DEPDC1B: variants seen among roughly 807,000 people sequenced by gnomAD.
DEPDC1B encodes DEP domain containing 1B, also known as DEP domain-containing protein 1B.
Under a neutral mutation model 66.5 loss-of-function variants are expected in DEPDC1B, and 51 were observed. The ratio of observed to expected loss-of-function variants is 0.77; its 90% CI spans 0.61 to 0.97. The LOEUF (loss-of-function observed/expected upper bound fraction) is 0.97, where lower values mean the gene tolerates loss of function less well. DEPDC1B is among the 50% of genes least tolerant of loss of function. The probability of loss-of-function intolerance (pLI) is 0.00; values close to 1 mark genes in which losing one functional copy is unlikely to be tolerated. For synonymous variants in DEPDC1B, 226 were observed against 223.6 expected (o/e 1.01, Z -0.10); for missense variants, 552 against 637.1 (o/e 0.87, Z 1.44).
At chr5:60,652,049 G>A (rs1227971865) in intron 2 of DEPDC1B, among the ~76,000 whole-genome samples, 1 of 133,744 alleles carries the variant, frequency 7.5e-6, no homozygotes, top group Non-Finnish European at 1.5e-5. Flanking sequence ...GCAGCTGAGA[G>A]CAAGCACTTT....
chr5:60,666,867 A>T (rs188077921), intron 2 of DEPDC1B, among the ~76,000 whole-genome samples: 76 of 152,330 alleles, frequency 5.0e-4, no homozygotes, highest in African/African-American at 1.8e-3. Flanking sequence ...GCACAAAGAC[A>T]CATTTGTGAG....
intron 7 of DEPDC1B, among the ~76,000 whole-genome samples, chr5:60,608,067 C>A (rs1236123951): frequency 6.6e-6 from 1 of 152,060 alleles, no homozygotes; most frequent in Non-Finnish European, 1.5e-5. Context: ...TACTGTGGCA[C>A]CTGTATAGCA....
chr5:60,668,111 T>TTATATATATATATAAAATGGATATTTTA, intron 2 of DEPDC1B, among the ~76,000 whole-genome samples: 1 of 77,412 alleles, frequency 1.3e-5, no homozygotes, highest in African/African-American at 7.8e-5. Flanking sequence ...AATGGATATT[T>TTATATATATATATAAAATGGATATTTTA]TATATATATA....
intron 7 of DEPDC1B, among the ~76,000 whole-genome samples, chr5:60,635,046 C>T (rs542271784): frequency 7.2e-5 from 10 of 138,850 alleles, no homozygotes; most frequent in Admixed American, 2.4e-4. Context: ...GCAACAAGAG[C>T]GAAACTCCAT....
At chr5:60,634,521 A>G (rs1334919114) in intron 7 of DEPDC1B, among the ~76,000 whole-genome samples, 1 of 151,884 alleles carries the variant, frequency 6.6e-6, no homozygotes, top group Non-Finnish European at 1.5e-5. Flanking sequence ...AAATACAAAA[A>G]ATTAGCTGGG....
At chr5:60,682,639 T>C (rs1028856162) in intron 2 of DEPDC1B, among the ~76,000 whole-genome samples, 2 of 152,144 alleles carry the variant, frequency 1.3e-5, no homozygotes, top group African/African-American at 2.4e-5. Context: ...GCAAAAGGCA[T>C]AGAAAACCTA....
chr5:60,611,527 C>T (rs552337360), intron 7 of DEPDC1B, among the ~76,000 whole-genome samples: 1 of 152,214 alleles, frequency 6.6e-6, no homozygotes, highest in Non-Finnish European at 1.5e-5. Flanking sequence ...TGGTGCCAAA[C>T]AGCCAAGTTA....
chr5:60,634,211 T>C (rs545588641), intron 7 of DEPDC1B, among the ~76,000 whole-genome samples: 1 of 152,322 alleles, frequency 6.6e-6, no homozygotes, highest in Admixed American at 6.5e-5. Flanking sequence ...ACAGAAGCAC[T>C]GGCATGCATG....
At chr5:60,619,376 A>G (rs891640737) in intron 7 of DEPDC1B, among the ~76,000 whole-genome samples, 29 of 152,238 alleles carry the variant, frequency 1.9e-4, no homozygotes, top group Admixed American at 3.9e-4. Context: ...ACATGATTGT[A>G]TATCTAGAAA....
chr5:60,663,260 G>A (rs1753762715), intron 2 of DEPDC1B, among the ~76,000 whole-genome samples: 2 of 152,224 alleles, frequency 1.3e-5, no homozygotes, highest in South Asian at 4.2e-4. Flanking sequence ...CCCTACCAAA[G>A]GCATTACCTG....
chr5:60,671,050 G>C (rs530329641), intron 2 of DEPDC1B, among the ~76,000 whole-genome samples: 12 of 152,244 alleles, frequency 7.9e-5, no homozygotes, highest in Admixed American at 7.2e-4. Context: ...GGTTTGTACA[G>C]AAACATTAGC....
intron 7 of DEPDC1B, among the ~76,000 whole-genome samples, chr5:60,633,489 T>C (rs1160038391): frequency 2.0e-5 from 3 of 152,280 alleles, no homozygotes; most frequent in East Asian, 3.9e-4. Flanking sequence ...AGGCAAGTAC[T>C]CCAATAGAAG....
intron 2 of DEPDC1B, among the ~76,000 whole-genome samples, chr5:60,650,430 G>A (rs1753422453): frequency 6.6e-6 from 1 of 152,168 alleles, no homozygotes; most frequent in South Asian, 2.1e-4. Flanking sequence ...ACTGGGGGAT[G>A]CTGCTAAGTG....
chr5:60,630,456 T>C (rs984333407), intron 7 of DEPDC1B: 20 of 152,232 alleles, frequency 1.3e-4, no homozygotes, highest in African/African-American at 4.6e-4. Context: ...CAGTGAGGGC[T>C]TTGCTTCCTC....
chr5:60,604,708 C>G (rs1219721180), intron 8 of DEPDC1B, among the ~76,000 whole-genome samples: 1 of 152,186 alleles, frequency 6.6e-6, no homozygotes, highest in Non-Finnish European at 1.5e-5. Context: ...CAGAGAGACA[C>G]ACAGGCAGAG....
chr5:60,670,882 A>C lies in DEPDC1B; in HGVS notation c.314+16080T>G, dbSNP rs546832916. Among the ~76,000 whole-genome samples, 151 of 152,320 alleles carry C rather than the reference A, an allele frequency of 9.9e-4. 4 individuals carry two copies. In the South Asian group the frequency reaches 0.017, roughly 17 times the overall value. ...TGGCCAGGGAGCAGCAGGTGAGAAG[A>C]GAAAAGGAATCACTATCTTGGCAGA... is the stretch of plus-strand genomic sequence containing the variant. On this transcript the variant is annotated intron_variant, in intron 2 of 10. Coordinates refer to ENST00000265036, the MANE Select transcript of DEPDC1B (RefSeq NM_018369.3).
chr5:60,661,163 C>A (rs1047254965), intron 2 of DEPDC1B, among the ~76,000 whole-genome samples: 1 of 152,186 alleles, frequency 6.6e-6, no homozygotes, highest in Non-Finnish European at 1.5e-5. Flanking sequence ...ATGAAATACT[C>A]AGGAACCCAG....
intron 7 of DEPDC1B, among the ~76,000 whole-genome samples, chr5:60,618,158 T>C (rs1233029006): frequency 6.6e-6 from 1 of 151,492 alleles, no homozygotes; most frequent in Non-Finnish European, 1.5e-5. Context: ...GGGAAATTTA[T>C]TGCACTGAAT....
rs763730279 is a variant in DEPDC1B, at chr5:60,603,556, T to C, written c.1077A>G (p.Thr359=). Residue 359 remains threonine (T), a synonymous_variant, in exon 9 of 11, where the codon ACA becomes ACG. Coordinates refer to ENST00000265036, the MANE Select transcript of DEPDC1B (RefSeq NM_018369.3). ...GFGTRTLMVQ[T]FSRCILCSKD... ...TGGAACACAAGATGCAACGGGAAAA[T>C]GTCTGAACCATCTAAAAAAAGAGCG... The C allele has an allele frequency of 1.1e-5, 17 of 1,596,714 alleles. No homozygotes were observed. The highest frequency in any genetic ancestry group is 6.8e-5 in the African/African-American group (5 of 73,790).
Sources: allele counts gnomAD v4.1 joint callset (sites outside exome capture counted in the v4.1 genomes callset), GRCh38; gene constraint gnomAD v4.1.1; transcripts MANE v1.5; gene names NCBI Gene and HGNC (gene_info 2026-07-23, HGNC 2026-07-21).